The following WDR27 variants were observed in gnomAD, a reference collection of about 807,000 sequenced individuals.
The protein encoded by WDR27 is WD repeat domain 27, also known as WD repeat-containing protein 27.
In WDR27, 100 loss-of-function variants were observed where a neutral mutation model predicts 114.4. The observed-to-expected ratio is 0.87, with a 90% CI of 0.74 to 1.03. The LOEUF is 1.03. Among genes scored for constraint, WDR27 ranks in the 50% least tolerant of loss-of-function variants. The probability of loss-of-function intolerance (pLI) is 0.00; values close to 1 mark genes in which losing one functional copy is unlikely to be tolerated. For missense variants in WDR27, 1,129 were observed against 1,092.9 expected, an observed-to-expected ratio of 1.03 and a Z score of -0.47; for synonymous variants, 449 against 423.1, an observed-to-expected ratio of 1.06 and a Z score of -0.75.
chr6:169,644,624 C>G (rs79404377), intron 16 of WDR27, among the ~76,000 whole-genome samples: 8 of 92,818 alleles, frequency 8.6e-5, no homozygotes, highest in East Asian at 4.0e-4. Flanking sequence ...GTCACACTGT[C>G]GAAAAGCCTA....
intron 21 of WDR27, among the ~76,000 whole-genome samples, chr6:169,620,761 C>T (rs562495900): frequency 6.6e-5 from 10 of 152,226 alleles, no homozygotes; most frequent in South Asian, 6.2e-4. Context: ...CTAAACTGAC[C>T]GAGACCTGTC....
intron 25 of WDR27, among the ~76,000 whole-genome samples, chr6:169,461,856 A>C (rs1442242702): frequency 6.6e-6 from 1 of 152,020 alleles, no homozygotes; most frequent in Non-Finnish European, 1.5e-5. Context: ...CGAAATTAAG[A>C]AACCTCTAAC....
intron 17 of WDR27, among the ~76,000 whole-genome samples, chr6:169,640,649 G>A (rs1818913985): frequency 6.6e-6 from 1 of 152,226 alleles, no homozygotes; most frequent in African/African-American, 2.4e-5. Flanking sequence ...GAATATCGCA[G>A]GTTCACAGAC....
At chr6:169,552,238 C>T (rs1798245683) in intron 25 of WDR27, among the ~76,000 whole-genome samples, 1 of 152,178 alleles carries the variant, frequency 6.6e-6, no homozygotes, top group Admixed American at 6.5e-5. Context: ...CCCACCTGCA[C>T]AAGCTGCCCC....
the WDR27 span, among the ~76,000 whole-genome samples, chr6:169,427,747 AGGACAAG>A: frequency 6.6e-6 from 1 of 151,132 alleles, no homozygotes; most frequent in African/African-American, 2.4e-5. Flanking sequence ...TGAATGAGAC[AGGACAAG>A]GGGCAGCCCC....
chr6:169,669,575 G>GTT (rs1360570123), intron 4 of WDR27: 1 of 152,284 alleles, frequency 6.6e-6, no homozygotes, highest in Admixed American at 6.5e-5. Context: ...ATTAATGGTA[G>GTT]TTTTGTTATA....
intron 23 of WDR27, among the ~76,000 whole-genome samples, chr6:169,599,158 G>T: frequency 7.7e-6 from 1 of 129,972 alleles, no homozygotes; most frequent in East Asian, 2.2e-4. Flanking sequence ...ACCACAACAG[G>T]CCCTGGTGTG....
intron 21 of WDR27, among the ~76,000 whole-genome samples, chr6:169,631,205 G>A (rs1816259730): frequency 6.6e-6 from 1 of 151,982 alleles, no homozygotes; most frequent in Non-Finnish European, 1.5e-5. Flanking sequence ...TTCTTCAAAG[G>A]GATCCCTTCA....
intron 25 of WDR27, among the ~76,000 whole-genome samples, chr6:169,540,430 TC>T (rs1227197425): frequency 4.3e-5 from 4 of 92,302 alleles, no homozygotes; most frequent in Non-Finnish European, 1.1e-4. Flanking sequence ...TTGAATAGAA[TC>T]TTTTTTTTTT....
intron 21 of WDR27, among the ~76,000 whole-genome samples, chr6:169,620,986 C>T (rs1812991734): frequency 6.6e-6 from 1 of 152,182 alleles, no homozygotes; most frequent in Admixed American, 6.5e-5. Context: ...TTGTGTAATA[C>T]ACGTGTTCCT....
the WDR27 span, among the ~76,000 whole-genome samples, chr6:169,429,421 G>A: frequency 7.1e-6 from 1 of 141,254 alleles, no homozygotes; most frequent in East Asian, 2.0e-4. Context: ...TCTGCAACAA[G>A]ACTGAGTCCT....
At chr6:169,493,795 G>A (rs1038696807) in intron 25 of WDR27, among the ~76,000 whole-genome samples, 1 of 152,068 alleles carries the variant, frequency 6.6e-6, no homozygotes, top group African/African-American at 2.4e-5. Flanking sequence ...GGTAGTATAT[G>A]TAATATATAT....
chr6:169,680,309 G>A lies in WDR27; in HGVS notation c.190-7913C>T, dbSNP rs559094378. Among the ~76,000 whole-genome samples the A allele has an allele frequency of 2.1e-4, 32 of 152,296 alleles. No homozygotes were observed. The South Asian group carries it at 2.9e-3, about 14-fold the overall frequency. Reference sequence around the variant, plus strand: ...AAAATTAAAAAAGAAAAGGCCAGGCGCAGTGGCTCACGCCTGTAATCCAAG... The same window carrying A: ...AAAATTAAAAAAGAAAAGGCCAGGCACAGTGGCTCACGCCTGTAATCCAAG... On this transcript the variant is annotated intron_variant, in intron 2 of 25. Coordinates refer to ENST00000448612, the MANE Select transcript of WDR27 (RefSeq NM_182552.5).
chr6:169,608,495 T>C (rs573797712), intron 22 of WDR27, among the ~76,000 whole-genome samples: 20 of 152,208 alleles, frequency 1.3e-4, no homozygotes, highest in African/African-American at 4.8e-4. Flanking sequence ...CCATCTTACA[T>C]GAATGGCAAC....
At chr6:169,469,703 A>T (rs991956236) in intron 25 of WDR27, among the ~76,000 whole-genome samples, 3 of 151,966 alleles carry the variant, frequency 2.0e-5, no homozygotes, top group African/African-American at 7.3e-5. Context: ...AAAGAGCCCT[A>T]CAGTTCTGTT....
At chr6:169,468,896 C>T (rs1785959668) in intron 25 of WDR27, among the ~76,000 whole-genome samples, 1 of 152,122 alleles carries the variant, frequency 6.6e-6, no homozygotes, top group South Asian at 2.1e-4. Flanking sequence ...GGAAGGATAC[C>T]TTCTGACTTT....
chr6:169,619,876 T>C (rs1205687870), intron 21 of WDR27, among the ~76,000 whole-genome samples: 1 of 152,188 alleles, frequency 6.6e-6, no homozygotes, highest in Non-Finnish European at 1.5e-5. Context: ...ATAGAGATTC[T>C]TCACAGATGC....
intron 3 of WDR27, chr6:169,671,392 C>T (rs1269268412): frequency 1.3e-5 from 2 of 152,398 alleles, no homozygotes; most frequent in Admixed American, 6.5e-5. Context: ...CCTAGAGAGA[C>T]ACACATGTTC....
intron 25 of WDR27, among the ~76,000 whole-genome samples, chr6:169,570,900 G>A (rs1801303844): frequency 2.0e-5 from 3 of 152,174 alleles, no homozygotes; most frequent in Admixed American, 2.0e-4. Context: ...GGAGTCTCCC[G>A]TGGCGGCCAG....
Sources: gnomAD v4.1 joint callset for allele counts (sites outside exome capture counted in the v4.1 genomes callset) on GRCh38, gnomAD v4.1.1 for gene constraint, MANE v1.5 for transcripts, NCBI Gene and HGNC (gene_info 2026-07-23, HGNC 2026-07-21) for gene names.